The following ZCCHC17 variants were observed in gnomAD, a reference collection of about 807,000 sequenced individuals.
The protein encoded by ZCCHC17 is zinc finger CCHC-type containing 17, also known as zinc finger CCHC domain-containing protein 17.
Under a neutral mutation model 30.6 loss-of-function variants are expected in ZCCHC17, and 18 were observed. That is an observed-to-expected ratio of 0.59 (90% CI 0.41 to 0.87). The LOEUF (loss-of-function observed/expected upper bound fraction) is 0.87. ZCCHC17 is among the 40% of genes least tolerant of loss of function. ZCCHC17 has a pLI of 0.00. For missense variants in ZCCHC17, 263 were observed against 284.2 expected (o/e 0.93, Z 0.54); for synonymous variants, 88 against 92.4 (o/e 0.95, Z 0.27).
intron 7 of ZCCHC17, among the ~76,000 whole-genome samples, chr1:31,350,830 G>A (rs1191952562): frequency 1.3e-5 from 2 of 152,094 alleles, no homozygotes; most frequent in East Asian, 3.9e-4. Flanking sequence ...TCAAACTCCT[G>A]ACCTCAAGTG....
At chr1:31,356,534 G>A (rs564203239) in intron 7 of ZCCHC17, among the ~76,000 whole-genome samples, 1 of 152,326 alleles carries the variant, frequency 6.6e-6, no homozygotes, top group South Asian at 2.1e-4. Flanking sequence ...CTAACTACCT[G>A]TGAATAGATA....
At chr1:31,307,681 TCCCC>T (rs1218977334) in intron 1 of ZCCHC17, among the ~76,000 whole-genome samples, 1 of 152,046 alleles carries the variant, frequency 6.6e-6, no homozygotes, top group Non-Finnish European at 1.5e-5. Context: ...TTCAAGCAAT[TCCCC>T]TGCCTCAGCC....
At position 31,334,100 on chromosome 1, in the gene ZCCHC17, T is replaced by C. The variant is rs372321029; in HGVS notation, c.125-3075T>C. On this transcript the variant is annotated intron_variant, in intron 3 of 7. Transcript: ENST00000344147. Reference sequence around the variant, plus strand: ...CAAATTTGGAGATTGTGTGTTGATCTAAAATTAAAAACATAATGTATATAA... The same window carrying C: ...CAAATTTGGAGATTGTGTGTTGATCCAAAATTAAAAACATAATGTATATAA... Among the ~76,000 whole-genome samples, 250 of 152,256 alleles carry C rather than the reference T, an allele frequency of 1.6e-3. 1 individual carries two copies. The highest frequency in any genetic ancestry group is 3.2e-3 in the Non-Finnish European group (219 of 68,022).
intron 7 of ZCCHC17, among the ~76,000 whole-genome samples, chr1:31,355,473 C>A (rs1458330752): frequency 6.6e-6 from 1 of 152,124 alleles, no homozygotes; most frequent in Non-Finnish European, 1.5e-5. Context: ...GAATTATTAT[C>A]CCACCATTTT....
At chr1:31,363,807 A>AATT (rs1640023242) in intron 7 of ZCCHC17, among the ~76,000 whole-genome samples, 2 of 152,066 alleles carry the variant, frequency 1.3e-5, no homozygotes, top group Admixed American at 1.3e-4. Context: ...GTGGTCCCCT[A>AATT]TTGATTGTGT....
At chr1:31,332,538 G>A (rs909892737) in intron 3 of ZCCHC17, among the ~76,000 whole-genome samples, 1 of 151,826 alleles carries the variant, frequency 6.6e-6, no homozygotes, top group Non-Finnish European at 1.5e-5. Flanking sequence ...TTTTATGATT[G>A]GAAATAATGC....
In ZCCHC17 at chr1:31,346,713, A is replaced by T. The variant is rs1464057088; in HGVS notation, c.391A>T (p.Thr131Ser). 6.2e-7 allele frequency: 1 copy of T among 1,614,050 alleles called. No individual in the cohort carries two copies. Residue 131 changes from threonine to serine, a missense_variant, in exon 6 of 8, where the codon ACT (threonine) becomes TCT (serine). Coordinates refer to ENST00000344147, the MANE Select transcript of ZCCHC17 (RefSeq NM_016505.4). ...GATCACCCTTGAGGCTGTCTTGAACACTACCTGCAAGAAGTGTGGCTGTAA... is the reference window on the plus strand; with the variant it reads ...GATCACCCTTGAGGCTGTCTTGAACTCTACCTGCAAGAAGTGTGGCTGTAA... ...QKITLEAVLN[T>S]TCKKCGCKGH...
At chr1:31,297,683 ATGCCTCCTACTGC>A (rs889033172) in intron 1 of ZCCHC17, among the ~76,000 whole-genome samples, 14 of 152,326 alleles carry the variant, frequency 9.2e-5, no homozygotes, top group African/African-American at 3.4e-4. Flanking sequence ...ATACATGGAA[ATGCCTCCTACTGC>A]TGCCTGATGC....
rs149995080 is a variant in ZCCHC17, at chr1:31,299,436, A to G, written c.-56+2361A>G. On this transcript the variant is annotated intron_variant, in intron 1 of 7. Transcript: ENST00000344147. Reference sequence around the variant, plus strand: ...TGCTCAAGACACATTCTAACCTCTAATATGTCTTCTCTTCCTGAAAAATCT... The same window carrying G: ...TGCTCAAGACACATTCTAACCTCTAGTATGTCTTCTCTTCCTGAAAAATCT... 2.8e-3 allele frequency among the ~76,000 whole-genome samples: 434 copies of G among 152,316 alleles called. 1 individual carries two copies. The highest frequency in any genetic ancestry group is 9.8e-3 in the African/African-American group (407 of 41,564).
chr1:31,334,794 A>C (rs1638748787), intron 3 of ZCCHC17, among the ~76,000 whole-genome samples: 2 of 152,190 alleles, frequency 1.3e-5, no homozygotes, highest in Non-Finnish European at 2.9e-5. Context: ...TTTTGAATGG[A>C]CCATCAAGCG....
chr1:31,350,995 A>G (rs547282972), intron 7 of ZCCHC17, among the ~76,000 whole-genome samples: 4 of 152,196 alleles, frequency 2.6e-5, no homozygotes, highest in Non-Finnish European at 5.9e-5. Flanking sequence ...AATAAGATAT[A>G]AAGCACTGAC....
intron 7 of ZCCHC17, among the ~76,000 whole-genome samples, chr1:31,350,403 A>T (rs1035639732): frequency 6.6e-6 from 1 of 152,084 alleles, no homozygotes; most frequent in Admixed American, 6.5e-5. Context: ...AGCCAAGTAT[A>T]TGAATAATAA....
At position 31,307,598 on chromosome 1, in the gene ZCCHC17, C is replaced by T. The variant is rs763369664; in HGVS notation, c.-55-2446C>T. Among the ~76,000 whole-genome samples, 11 of 147,806 alleles carry T rather than the reference C, an allele frequency of 7.4e-5. No homozygotes were observed. The South Asian group carries it at 8.6e-4, about 12-fold the overall frequency. On this transcript the variant is annotated intron_variant, in intron 1 of 7. Coordinates refer to ENST00000344147, the MANE Select transcript of ZCCHC17 (RefSeq NM_016505.4). ...TTTGTTGTTTTTTTTTTTTTGGAGA[C>T]GGAGTCTCACTGTGTCATCAGGCTG...
intron 2 of ZCCHC17, among the ~76,000 whole-genome samples, chr1:31,313,833 G>C (rs907315605): frequency 1.3e-5 from 2 of 151,666 alleles, no homozygotes; most frequent in Non-Finnish European, 2.9e-5. Context: ...CTAACCTACA[G>C]CTCGCTCTTT....
intron 3 of ZCCHC17, among the ~76,000 whole-genome samples, chr1:31,325,857 T>C (rs1448617569): frequency 6.6e-6 from 1 of 151,974 alleles, no homozygotes; most frequent in Non-Finnish European, 1.5e-5. Flanking sequence ...CTGAAGAATC[T>C]TGTGACACCA....
At chr1:31,324,558 C>G (rs969340656) in intron 3 of ZCCHC17, among the ~76,000 whole-genome samples, 2 of 152,228 alleles carry the variant, frequency 1.3e-5, no homozygotes, top group African/African-American at 4.8e-5. Context: ...GCTCCCACTG[C>G]CTGGACTCTC....
chr1:31,356,050 G>A (rs146427753), intron 7 of ZCCHC17, among the ~76,000 whole-genome samples: 4 of 152,312 alleles, frequency 2.6e-5, no homozygotes, highest in South Asian at 4.1e-4. Flanking sequence ...GGACAGTGGA[G>A]AGTAGGAATG....
At chr1:31,298,984 T>C (rs960049247) in intron 1 of ZCCHC17, among the ~76,000 whole-genome samples, 12 of 152,194 alleles carry the variant, frequency 7.9e-5, no homozygotes, top group Admixed American at 7.9e-4. Context: ...GATAGAAATT[T>C]CTAGAATTTA....
intron 5 of ZCCHC17, among the ~76,000 whole-genome samples, chr1:31,346,150 CAG>C (rs776225375): frequency 6.6e-6 from 1 of 152,134 alleles, no homozygotes; most frequent in Non-Finnish European, 1.5e-5. Flanking sequence ...AGTGGGGAAA[CAG>C]AGCATTTCAG....
Sources: gnomAD v4.1 joint callset for allele counts (sites outside exome capture counted in the v4.1 genomes callset) on GRCh38, gnomAD v4.1.1 for gene constraint, MANE v1.5 for transcripts, NCBI Gene and HGNC (gene_info 2026-07-23, HGNC 2026-07-21) for gene names.